SGCE: variants seen among roughly 807,000 people sequenced by gnomAD.
SGCE encodes the protein epsilon-sarcoglycan.
In SGCE, 26 loss-of-function variants were observed where a neutral mutation model predicts 57.8. That is an observed-to-expected ratio of 0.45 (90% CI 0.33 to 0.62). The LOEUF (loss-of-function observed/expected upper bound fraction) is 0.62, where lower values mean the gene tolerates loss of function less well. Among genes scored for constraint, SGCE ranks in the 20% least tolerant of loss-of-function variants. SGCE has a pLI of 0.02. For synonymous variants in SGCE, 183 were observed against 189.5 expected, an observed-to-expected ratio of 0.97 and a Z score of 0.28; for missense variants, 468 against 548.6, an observed-to-expected ratio of 0.85 and a Z score of 1.47.
chr7:94,615,864 G>A, intron 5 of SGCE, among the ~76,000 whole-genome samples: 1 of 152,116 alleles, frequency 6.6e-6, no homozygotes, highest in Admixed American at 6.5e-5. Context: ...CTTTATCCCA[G>A]GCTAAATACA....
At chr7:94,591,617 T>C (rs1797682484) in intron 9 of SGCE, among the ~76,000 whole-genome samples, 1 of 132,150 alleles carries the variant, frequency 7.6e-6, no homozygotes, top group Non-Finnish European at 1.8e-5. Flanking sequence ...ATGAGGTAGT[T>C]GGATGCCCCC....
chr7:94,600,658 C>A lies in SGCE; in HGVS notation c.1025G>T (p.Arg342Leu). The change falls in exon 7 of 11, where the codon CGA (arginine) becomes CTA (leucine). Residue 342 changes from arginine (R) to leucine (L), a missense_variant. Physicochemically the swap from Arg to Leu is moderately radical, Grantham distance 102. Coordinates refer to ENST00000648936, the MANE Select transcript of SGCE (RefSeq NM_003919.3). ...TTAAAGTACTCACACGCCTTCCCGT[C>A]GGCAGCACATGATATAAGCAAGTAT... ...FLILAYIMCC[R>L]REGVEKRNMQ... The A allele has an allele frequency of 6.2e-7, 1 of 1,612,714 alleles. No individual in the cohort carries two copies. The highest frequency in any genetic ancestry group is 8.5e-7 in the Non-Finnish European group (1 of 1,178,976).
intron 4 of SGCE, chr7:94,619,238 G>A: frequency 3.5e-6 from 1 of 283,926 alleles, no homozygotes; most frequent in Non-Finnish European, 6.6e-6. Context: ...ACTAAGAAAA[G>A]CTAAATCTAC....
rs771397011 is a variant in SGCE at position 94,599,123 on chromosome 7, CACAT to C, written c.1065-164_1065-161del. 1.4e-3 allele frequency: 834 copies of C among 585,174 alleles called. 2 individuals are homozygous for C. The highest frequency in any genetic ancestry group is 2.0e-3 in the Non-Finnish European group (664 of 334,054). The allele number at this position is 585,174 out of a possible 1,614,324, so 36.2% of individuals were successfully genotyped here. A position where few individuals can be genotyped will look rare whatever the true frequency, so the allele number is the denominator to read the frequency against. ...AACTATTTCAGAAAGGCATACATCT[CACAT>C]ACTTTTAATATAACAAAACTGAAAA... On this transcript the variant is annotated intron_variant, in intron 8 of 10. Transcript: ENST00000648936.
At chr7:94,654,262 G>A (rs949946700) in intron 1 of SGCE, among the ~76,000 whole-genome samples, 5 of 151,982 alleles carry the variant, frequency 3.3e-5, no homozygotes, top group African/African-American at 9.7e-5. Context: ...AAATCAAATT[G>A]GTTCAAACTT....
chr7:94,635,632 T>C (rs748446718), intron 1 of SGCE, among the ~76,000 whole-genome samples: 3 of 152,236 alleles, frequency 2.0e-5, no homozygotes, highest in Admixed American at 6.5e-5. Flanking sequence ...GATACATTTA[T>C]GGATTCCTTT....
intron 3 of SGCE, chr7:94,623,652 C>A: frequency 2.1e-6 from 1 of 481,546 alleles, no homozygotes; most frequent in Non-Finnish European, 3.6e-6. Flanking sequence ...CATAGAAGGC[C>A]ATTAAGCACT....
At chr7:94,648,391 A>AAAAAAAAAAAAAAAAAAAAAAAAAT (rs1253399818) in intron 1 of SGCE, among the ~76,000 whole-genome samples, 1 of 151,250 alleles carries the variant, frequency 6.6e-6, no homozygotes, top group East Asian at 1.9e-4. Flanking sequence ...AAAAAAAAAA[A>AAAAAAAAAAAAAAAAAAAAAAAAAT]AAAAAAAGAA....
At chr7:94,587,831 G>C (rs1411379826) in intron 10 of SGCE, 1 of 1,535,518 alleles carries the variant, frequency 6.5e-7, no homozygotes, top group Non-Finnish European at 8.8e-7. Context: ...CACGAAAGCA[G>C]TAATAGAGAA....
At position 94,601,455 on chromosome 7, in the gene SGCE, A is replaced by C. The variant is rs1008200889; in HGVS notation, c.826-598T>G. Among the ~76,000 whole-genome samples, 4 of 67,792 alleles carry C rather than the reference A, an allele frequency of 5.9e-5. No homozygotes were observed. The Admixed American group carries it at 7.3e-4, about 12-fold the overall frequency. 44.5% of individuals were successfully genotyped at this position (67,792 alleles called of 152,430 possible). ...TCTATCCCAGTATCAAAAAAAAAAA[A>C]AAAAAAAAAAAAAAAAAAAAACTAC... On this transcript the variant is annotated intron_variant, in intron 6 of 10. Coordinates refer to ENST00000648936, the MANE Select transcript of SGCE (RefSeq NM_003919.3).
chr7:94,600,610 G>A, intron 7 of SGCE, 36 bp downstream of exon 7: 1 of 1,437,490 alleles, frequency 7.0e-7, no homozygotes, highest in East Asian at 2.3e-5. Flanking sequence ...ATCTTAGCAG[G>A]ATCTCTAATT....
chr7:94,625,488 G>A (rs186238837), intron 3 of SGCE: 8 of 151,964 alleles, frequency 5.3e-5, no homozygotes, highest in Admixed American at 2.6e-4. Flanking sequence ...TTCTCTCCTA[G>A]CCTAAGCCCT....
At chr7:94,593,088 A>G (rs1256538293) in intron 9 of SGCE, among the ~76,000 whole-genome samples, 1 of 152,100 alleles carries the variant, frequency 6.6e-6, no homozygotes, top group Non-Finnish European at 1.5e-5. Context: ...GAATTTTACC[A>G]TAAAGTTAGT....
intron 1 of SGCE, among the ~76,000 whole-genome samples, chr7:94,648,376 CAAAAAAAAAA>C (rs71123907): frequency 6.1e-5 from 4 of 65,082 alleles, no homozygotes; most frequent in Non-Finnish European, 1.1e-4. Flanking sequence ...ACTCTGTCTC[CAAAAAAAAAA>C]AAAAAAAAAA....
intron 7 of SGCE, 81 bp from the exon 8 acceptor site, chr7:94,599,804 C>G: frequency 2.9e-6 from 3 of 1,022,030 alleles, no homozygotes; most frequent in Non-Finnish European, 4.6e-6. Flanking sequence ...TGGGATCTTG[C>G]ATGATGTGGA....
At position 94,633,781 on chromosome 7, in the gene SGCE, A is replaced by C. The variant is rs180880162; in HGVS notation, c.110-3940T>G. 1.2e-4 allele frequency among the ~76,000 whole-genome samples: 18 copies of C among 152,290 alleles called. No homozygotes were observed. In the East Asian group the frequency reaches 3.5e-3, roughly 29 times the overall value. On this transcript the variant is annotated intron_variant, in intron 1 of 10. Transcript: ENST00000648936. ...GTTTGAATGTATTTAGTAAACATTA[A>C]ATTTTGAAAGTACTATGGTGGTACG...
At chr7:94,595,266 A>G (rs777846609) in intron 9 of SGCE, among the ~76,000 whole-genome samples, 16 of 152,206 alleles carry the variant, frequency 1.1e-4, no homozygotes, top group Non-Finnish European at 2.2e-4. Context: ...TGAGTTCTCT[A>G]TAACTTTGAT....
In SGCE at chr7:94,585,313, C is replaced by T. The variant is rs927347150; in HGVS notation, c.*186G>A. On this transcript the variant is annotated 3_prime_UTR_variant, in exon 11 of 11. Coordinates refer to ENST00000648936, the MANE Select transcript of SGCE (RefSeq NM_003919.3). ...AATGTTTTACAAATTGTCAAAAATG[C>T]TTTAAGTACAAAAAAATACATTAGT... 3 of 512,326 alleles carry T rather than the reference C, an allele frequency of 5.9e-6. No homozygotes were observed. The highest frequency in any genetic ancestry group is 1.0e-5 in the Non-Finnish European group (3 of 286,250). The allele number at this position is 512,326 out of a possible 1,614,324, so 31.7% of individuals were successfully genotyped here. A position where few individuals can be genotyped will look rare whatever the true frequency, so the allele number is the denominator to read the frequency against.
chr7:94,637,862 A>G (rs1051111320), intron 1 of SGCE, among the ~76,000 whole-genome samples: 9 of 152,224 alleles, frequency 5.9e-5, no homozygotes, highest in Non-Finnish European at 1.0e-4. Context: ...GGTGAGGCAC[A>G]AGGAACCAGG....
Sources: gnomAD v4.1 joint callset for allele counts (sites outside exome capture counted in the v4.1 genomes callset) on GRCh38, gnomAD v4.1.1 for gene constraint, MANE v1.5 for transcripts, NCBI Gene and HGNC (gene_info 2026-07-23, HGNC 2026-07-21) for gene names.